RAB33B: variants seen among roughly 807,000 people sequenced by gnomAD.
RAB33B encodes the protein RAB33B, member RAS oncogene family, also known as ras-related protein Rab-33B.
A neutral mutation model predicts 15.0 loss-of-function variants in RAB33B; 6 were observed. The ratio of observed to expected loss-of-function variants is 0.40; its 90% CI spans 0.22 to 0.79. The LOEUF is 0.79. Among genes scored for constraint, RAB33B ranks in the 30% least tolerant of loss-of-function variants. RAB33B has a pLI of 0.37. For missense variants in RAB33B, 257 were observed against 296.4 expected (o/e 0.87, Z 0.98); for synonymous variants, 117 against 108.3 (o/e 1.08, Z -0.50).
chr4:139,459,143 A>AG (rs1003384212), intron 1 of RAB33B, among the ~76,000 whole-genome samples: 5 of 151,888 alleles, frequency 3.3e-5, no homozygotes, highest in African/African-American at 1.2e-4. Flanking sequence ...AAAAAAAAAA[A>AG]AAAAACCTTC....
chr4:139,456,794 G>A (rs888991917), intron 1 of RAB33B, among the ~76,000 whole-genome samples: 2 of 152,180 alleles, frequency 1.3e-5, no homozygotes, highest in African/African-American at 4.8e-5. Flanking sequence ...ATATAGCTAT[G>A]TTGGGCATTT....
At chr4:139,461,090 T>C (rs1171964131) in intron 1 of RAB33B, among the ~76,000 whole-genome samples, 1 of 152,228 alleles carries the variant, frequency 6.6e-6, no homozygotes, top group Non-Finnish European at 1.5e-5. Flanking sequence ...AGGGAATTTA[T>C]TTTTTCATAT....
At chr4:139,449,543 C>G (rs1041598224), upstream of RAB33B, 2 of 152,126 alleles carry the variant, frequency 1.3e-5, no homozygotes, top group African/African-American at 4.8e-5. Context: ...CCAGCACGAC[C>G]AGAATATAAA....
the RAB33B span, among the ~76,000 whole-genome samples, chr4:139,445,288 A>C: frequency 2.0e-5 from 3 of 152,210 alleles, no homozygotes; most frequent in Admixed American, 2.0e-4. Flanking sequence ...TGGTATATCA[A>C]CTCTCTGGCT....
At chr4:139,464,314 C>A (rs1750231909) in intron 1 of RAB33B, among the ~76,000 whole-genome samples, 1 of 147,432 alleles carries the variant, frequency 6.8e-6, no homozygotes, top group African/African-American at 2.5e-5. Context: ...TTTCATACCT[C>A]TGTGTTCTGG....
At chr4:139,455,367 T>G (rs959862185) in intron 1 of RAB33B, among the ~76,000 whole-genome samples, 3 of 152,150 alleles carry the variant, frequency 2.0e-5, no homozygotes, top group Non-Finnish European at 4.4e-5. Flanking sequence ...CTGCTTTAAA[T>G]CAGCGATCGT....
the RAB33B span, among the ~76,000 whole-genome samples, chr4:139,442,788 A>G: frequency 6.6e-6 from 1 of 151,784 alleles, no homozygotes; most frequent in African/African-American, 2.4e-5. Flanking sequence ...TTTATATATA[A>G]ATATATATAT....
intron 1 of RAB33B, among the ~76,000 whole-genome samples, chr4:139,464,394 T>TTTG (rs1750237514): frequency 6.8e-6 from 1 of 146,816 alleles, no homozygotes; most frequent in South Asian, 2.2e-4. Context: ...CTGTTTTTTT[T>TTTG]TTTTTTTTTT....
At chr4:139,442,557 C>T in the RAB33B span, among the ~76,000 whole-genome samples, 1 of 152,088 alleles carries the variant, frequency 6.6e-6, no homozygotes, top group Non-Finnish European at 1.5e-5. Context: ...AATCAGCTGC[C>T]AGCATGATCA....
chr4:139,450,147 G>C (rs1388946521), upstream of RAB33B: 3 of 152,186 alleles, frequency 2.0e-5, no homozygotes, highest in African/African-American at 4.8e-5. Context: ...CACTAGCATA[G>C]TACTGAGTAC....
intron 1 of RAB33B, among the ~76,000 whole-genome samples, chr4:139,463,065 C>T (rs1750204325): frequency 6.6e-6 from 1 of 152,112 alleles, no homozygotes; most frequent in Non-Finnish European, 1.5e-5. Flanking sequence ...ACTCAGGAGG[C>T]TGAAGTGGGA....
At chr4:139,449,360 C>T (rs1749881322), upstream of RAB33B, 1 of 152,098 alleles carries the variant, frequency 6.6e-6, no homozygotes, top group African/African-American at 2.4e-5. Flanking sequence ...TTTAAGTTGA[C>T]AAGTGGTGGA....
rs1021866927 is a variant in RAB33B at position 139,475,119 on chromosome 4, A to C, written c.*1993A>C. On this transcript the variant is annotated 3_prime_UTR_variant, in exon 2 of 2. Coordinates refer to ENST00000305626, the MANE Select transcript of RAB33B (RefSeq NM_031296.3). ...TTAGGGAGATCATGTTTTCTTAATC[A>C]TGCTGGAATTTAAAAATTGTTTTAC... 6.6e-6 allele frequency: 1 copy of C among 152,086 alleles called. No homozygotes were observed. Among genetic ancestry groups the C allele is most frequent in the Non-Finnish European group, 1.5e-5 (1 of 67,944 alleles). 9.4% of individuals were successfully genotyped at this position (152,086 alleles called of 1,614,324 possible).
chr4:139,467,308 CTTTTTTTTTTTTTTT>C (rs70943422), intron 1 of RAB33B, among the ~76,000 whole-genome samples: 2 of 17,606 alleles, frequency 1.1e-4, no homozygotes, highest in Non-Finnish European at 3.0e-4. Context: ...CCCCCCGCCG[CTTTTTTTTTTTTTTT>C]TTTTTTTTTT....
intron 1 of RAB33B, among the ~76,000 whole-genome samples, chr4:139,457,043 G>T (rs917965092): frequency 2.6e-5 from 4 of 152,082 alleles, no homozygotes; most frequent in Non-Finnish European, 5.9e-5. Flanking sequence ...CTAGTAAAAT[G>T]CCATTCTAGA....
upstream of RAB33B, chr4:139,453,977 G>T (rs1750003098): frequency 4.7e-6 from 2 of 429,146 alleles, no homozygotes; most frequent in Admixed American, 4.7e-5. Context: ...GTGTGGCCGC[G>T]GGCAGGCGGC....
At chr4:139,446,493 G>A in the RAB33B span, among the ~76,000 whole-genome samples, 1 of 152,200 alleles carries the variant, frequency 6.6e-6, no homozygotes, top group African/African-American at 2.4e-5. Context: ...TGGTTTGGCT[G>A]GATGGTCAGG....
the RAB33B span, among the ~76,000 whole-genome samples, chr4:139,441,266 G>A: frequency 5.9e-5 from 9 of 152,146 alleles, no homozygotes; most frequent in Non-Finnish European, 1.0e-4. Flanking sequence ...TCATAACACG[G>A]CTAGCTCAGA....
chr4:139,469,083 CTTGAATA>C (rs945983957), intron 1 of RAB33B, among the ~76,000 whole-genome samples: 4 of 152,102 alleles, frequency 2.6e-5, no homozygotes, highest in Non-Finnish European at 5.9e-5. Flanking sequence ...CTTTCTTATA[CTTGAATA>C]TTGATACCTT....
Sources: gnomAD v4.1 joint callset for allele counts (sites outside exome capture counted in the v4.1 genomes callset) on GRCh38, gnomAD v4.1.1 for gene constraint, MANE v1.5 for transcripts, NCBI Gene and HGNC (gene_info 2026-07-23, HGNC 2026-07-21) for gene names.